The following MTFMT variants were observed in gnomAD, a reference collection of about 807,000 sequenced individuals.
MTFMT encodes the protein mitochondrial methionyl-tRNA formyltransferase, also known as methionyl-tRNA formyltransferase, mitochondrial.
In MTFMT, 47 loss-of-function variants were observed where a neutral mutation model predicts 51.8. That is an observed-to-expected ratio of 0.91 (90% CI 0.72 to 1.16). The LOEUF (loss-of-function observed/expected upper bound fraction) is 1.16. MTFMT is among the 50% of genes most tolerant of loss of function. The pLI, the probability that MTFMT is intolerant of heterozygous loss-of-function variation, is 0.00. For missense variants in MTFMT, 512 were observed against 482.3 expected (o/e 1.06, Z -0.58); for synonymous variants, 196 against 176.7 (o/e 1.11, Z -0.87).
intron 3 of MTFMT, 127 bp from the exon 4 acceptor site, chr15:65,021,743 G>T (rs2086375637): frequency 5.0e-6 from 3 of 596,340 alleles, no homozygotes; most frequent in Non-Finnish European, 5.5e-6. Context: ...TGCTCAGGAG[G>T]CTGAGGCAGC....
Position 65,029,570 on chromosome 15 carries a change from T to A in MTFMT, c.44A>T (p.His15Leu), listed in dbSNP as rs935174845. The change falls in exon 1 of 9, where the codon CAT becomes CTT. Residue 15 changes from histidine (H) to leucine (L), a missense_variant. Coordinates refer to ENST00000220058, the MANE Select transcript of MTFMT (RefSeq NM_139242.4). The part of the protein sequence containing the change: ...VRRCWGPPLA[H>L]GARRGRPSPQ... ...ACTCGGCCTCCCACGCCTGGCGCCA[T>A]GAGCCAGCGGAGGACCCCAACAGCG... is the stretch of plus-strand genomic sequence containing the variant. 8.0e-6 allele frequency: 12 copies of A among 1,500,662 alleles called. No individual in the cohort carries two copies. The African/African-American group carries it at 8.7e-5, about 11-fold the overall frequency. 93.0% of individuals were successfully genotyped at this position (1,500,662 alleles called of 1,614,324 possible). A position where few individuals can be genotyped will look rare whatever the true frequency, so the allele number is the denominator to read the frequency against.
chr15:65,018,407 G>A (rs190730104), intron 5 of MTFMT, among the ~76,000 whole-genome samples: 4 of 151,876 alleles, frequency 2.6e-5, no homozygotes, highest in Non-Finnish European at 5.9e-5. Context: ...AAATAAATAG[G>A]TTAATATTTA....
At chr15:65,018,712 G>A (rs945266974) in intron 5 of MTFMT, among the ~76,000 whole-genome samples, 1 of 152,154 alleles carries the variant, frequency 6.6e-6, no homozygotes, top group Non-Finnish European at 1.5e-5. Context: ...GGGAAGTGAA[G>A]AGTGTTAACA....
chr15:65,009,639 GCTT>G (rs901152864), intron 6 of MTFMT, among the ~76,000 whole-genome samples: 9 of 151,692 alleles, frequency 5.9e-5, no homozygotes, highest in Non-Finnish European at 1.0e-4. Context: ...AGTCGCAGCA[GCTT>G]CTTTTTATTT....
chr15:65,023,266 T>C (rs915132296), intron 3 of MTFMT, among the ~76,000 whole-genome samples: 1 of 152,326 alleles, frequency 6.6e-6, no homozygotes, highest in Non-Finnish European at 1.5e-5. Flanking sequence ...GACAATTATA[T>C]TGCATATTGA....
At chr15:65,011,293 G>A (rs540878619) in intron 6 of MTFMT, among the ~76,000 whole-genome samples, 402 of 152,194 alleles carry the variant, frequency 2.6e-3, no homozygotes, top group African/African-American at 9.2e-3. Flanking sequence ...TTGCACTCCA[G>A]CCTGGGCAAC....
At position 65,008,858 on chromosome 15, in the gene MTFMT, A is replaced by C. The variant is rs1251493523; in HGVS notation, c.814-2667T>G. Among the ~76,000 whole-genome samples, 3 of 152,242 alleles carry C rather than the reference A, an allele frequency of 2.0e-5. No individual in the cohort carries two copies. The East Asian group carries it at 5.8e-4, about 29-fold the overall frequency. On this transcript the variant is annotated intron_variant, in intron 6 of 8. Transcript: ENST00000220058. ...TTGAAACATGCTTACTGACTAAAAA[A>C]GATTTCTATTTACTGAGAGTAATAA...
chr15:65,003,506 T>C (rs1010493465), intron 8 of MTFMT, among the ~76,000 whole-genome samples: 2 of 152,088 alleles, frequency 1.3e-5, no homozygotes, highest in Non-Finnish European at 2.9e-5. Context: ...AACAAATGTA[T>C]AGATCTGTAT....
chr15:65,022,173 A>T (rs184748087), intron 3 of MTFMT, among the ~76,000 whole-genome samples: 2 of 152,236 alleles, frequency 1.3e-5, no homozygotes, highest in Non-Finnish European at 2.9e-5. Flanking sequence ...ATAGGTGATT[A>T]TAAGTAGGGC....
intron 5 of MTFMT, 107 bp from the exon 6 acceptor site, chr15:65,016,634 A>G: frequency 1.7e-6 from 1 of 575,556 alleles, no homozygotes; most frequent in Non-Finnish European, 3.0e-6. Context: ...CTAACCTCTC[A>G]ACTTTTCTTT....
At chr15:65,005,786 T>G (rs1366593598) in intron 7 of MTFMT, among the ~76,000 whole-genome samples, 1 of 152,076 alleles carries the variant, frequency 6.6e-6, no homozygotes, top group East Asian at 1.9e-4. Flanking sequence ...ATTTTTGTAT[T>G]TAGTAGAGAC....
At chr15:65,007,275 T>C (rs2086226357) in intron 6 of MTFMT, among the ~76,000 whole-genome samples, 1 of 152,206 alleles carries the variant, frequency 6.6e-6, no homozygotes, top group African/African-American at 2.4e-5. Context: ...TTTTTCCTGG[T>C]TGTGAGACAA....
chr15:65,002,984 A>AAAAT lies in MTFMT; in HGVS notation c.*77_*78insATTT. ...TCTCAAAAAAAAAAAAAAAAAAAAA[A>AAAAT]GTCCAGATAATTCCTTGTAAATAAG... On this transcript the variant is annotated 3_prime_UTR_variant, in exon 9 of 9. Transcript: ENST00000220058. The AAAAT allele has an allele frequency of 2.2e-6, 2 of 898,832 alleles. No homozygotes were observed. The highest frequency in any genetic ancestry group is 1.5e-6 in the Non-Finnish European group (1 of 657,004). 55.7% of individuals were successfully genotyped at this position (898,832 alleles called of 1,614,324 possible).
In MTFMT at chr15:65,001,613, G is replaced by T. The variant is rs1025858384; in HGVS notation, c.*1449C>A. 4.6e-5 allele frequency: 7 copies of T among 152,244 alleles called. No individual in the cohort carries two copies. The East Asian group carries it at 1.3e-3, about 29-fold the overall frequency. 9.4% of individuals were successfully genotyped at this position (152,244 alleles called of 1,614,324 possible). A position where few individuals can be genotyped will look rare whatever the true frequency, so the allele number is the denominator to read the frequency against. On this transcript the variant is annotated 3_prime_UTR_variant, in exon 9 of 9. Coordinates refer to ENST00000220058, the MANE Select transcript of MTFMT (RefSeq NM_139242.4). ...GCAGTGGTTCATGCTTGTAATCCCA[G>T]CACTTTGAGAGGCCAAGGCAGGAGG...
At chr15:65,013,982 A>T (rs1349005992) in intron 6 of MTFMT, among the ~76,000 whole-genome samples, 1 of 151,952 alleles carries the variant, frequency 6.6e-6, no homozygotes, top group Admixed American at 6.6e-5. Flanking sequence ...AACCCAAAAA[A>T]CAATCCCACT....
In MTFMT at chr15:65,029,515, G is replaced by C; in HGVS notation, c.99C>G (p.Gly33=). 3.9e-6 allele frequency: 6 copies of C among 1,529,866 alleles called. No homozygotes were observed. Among genetic ancestry groups the C allele is most frequent in the Non-Finnish European group, 5.3e-6 (6 of 1,140,352 alleles). 94.8% of individuals were successfully genotyped at this position (1,529,866 alleles called of 1,614,324 possible). ...SPQWRALARL[G]WEDCRDSRVR... ...CTCTGGAGTCCCGGCAGTCCTCCCA[G>C]CCGAGTCGGGCCAGTGCTCGCCACT... is the stretch of plus-strand genomic sequence containing the variant. The change falls in exon 1 of 9, where the codon GGC becomes GGG. Residue 33 remains glycine, a synonymous_variant. Coordinates refer to ENST00000220058, the MANE Select transcript of MTFMT (RefSeq NM_139242.4).
Position 65,002,045 on chromosome 15 carries a change from C to A in MTFMT, c.*1017G>T, listed in dbSNP as rs1260423551. The A allele has an allele frequency of 2.6e-5, 4 of 151,976 alleles. No individual in the cohort carries two copies. In the East Asian group the frequency reaches 7.7e-4, roughly 29 times the overall value. 9.4% of individuals were successfully genotyped at this position (151,976 alleles called of 1,614,324 possible). ...AAATAAAAAATGCAGATTCAATACT[C>A]CTAAAATGTCAGTGGTGACACGATT... On this transcript the variant is annotated 3_prime_UTR_variant, in exon 9 of 9. Coordinates refer to ENST00000220058, the MANE Select transcript of MTFMT (RefSeq NM_139242.4).
At chr15:65,009,318 A>G (rs1490588617) in intron 6 of MTFMT, among the ~76,000 whole-genome samples, 9 of 152,244 alleles carry the variant, frequency 5.9e-5, no homozygotes, top group Non-Finnish European at 1.3e-4. Context: ...CATCTCAGGA[A>G]GTTGTCTACT....
At chr15:65,013,589 AATATG>A (rs1253073628) in intron 6 of MTFMT, among the ~76,000 whole-genome samples, 3 of 152,168 alleles carry the variant, frequency 2.0e-5, no homozygotes, top group East Asian at 3.9e-4. Context: ...TTATTCTACT[AATATG>A]ATATGTTACA....
Sources: gnomAD v4.1 joint callset for allele counts (sites outside exome capture counted in the v4.1 genomes callset) on GRCh38, gnomAD v4.1.1 for gene constraint, MANE v1.5 for transcripts, NCBI Gene and HGNC (gene_info 2026-07-23, HGNC 2026-07-21) for gene names.